The following FGF12 variants were observed in gnomAD, a reference collection of about 807,000 sequenced individuals.
The protein encoded by FGF12 is fibroblast growth factor 12.
FGF12 carries 14 observed loss-of-function variants against 23.6 expected under a neutral mutation model. The ratio of observed to expected loss-of-function variants is 0.59; its 90% confidence interval spans 0.39 to 0.93. The LOEUF is 0.93. FGF12 is among the 40% of genes least tolerant of loss of function. The probability of loss-of-function intolerance (pLI) is 0.00; values close to 1 mark genes in which losing one functional copy is unlikely to be tolerated. For missense variants in FGF12, 175 were observed against 217.8 expected, an observed-to-expected ratio of 0.80 and a Z score of 1.24; for synonymous variants, 62 against 77.3, an observed-to-expected ratio of 0.80 and a Z score of 1.04.
At chr3:192,190,074 GC>G (rs1716696909) in intron 4 of FGF12, among the ~76,000 whole-genome samples, 1 of 152,098 alleles carries the variant, frequency 6.6e-6, no homozygotes, top group African/African-American at 2.4e-5. Context: ...GTTTATGAGA[GC>G]TAAGGAAAAG....
intron 2 of FGF12, among the ~76,000 whole-genome samples, chr3:192,658,590 T>C (rs984693925): frequency 3.3e-5 from 5 of 152,160 alleles, no homozygotes; most frequent in African/African-American, 1.2e-4. Flanking sequence ...ACTTGGCTTA[T>C]TTTGAAATAA....
At chr3:192,255,477 T>A (rs1396962061) in intron 4 of FGF12, among the ~76,000 whole-genome samples, 2 of 151,938 alleles carry the variant, frequency 1.3e-5, no homozygotes, top group East Asian at 3.8e-4. Flanking sequence ...AAAGTTTAAA[T>A]TATCAATGCA....
At chr3:192,528,505 C>T (rs1282217217) in intron 2 of FGF12, among the ~76,000 whole-genome samples, 3 of 152,140 alleles carry the variant, frequency 2.0e-5, no homozygotes, top group Non-Finnish European at 4.4e-5. Context: ...ACGGTACAAC[C>T]TGTCAGTGGA....
At chr3:192,694,084 G>A (rs1302427395) in intron 2 of FGF12, among the ~76,000 whole-genome samples, 3 of 152,076 alleles carry the variant, frequency 2.0e-5, no homozygotes, top group African/African-American at 4.8e-5. Flanking sequence ...TTTAAAATAG[G>A]TGAGAGACCT....
intron 2 of FGF12, among the ~76,000 whole-genome samples, chr3:192,486,455 C>T (rs1232670374): frequency 6.6e-6 from 1 of 151,796 alleles, no homozygotes; most frequent in East Asian, 1.9e-4. Context: ...AAGAATGAGC[C>T]ATGTAAAAAC....
chr3:192,266,290 TTTCATGACTTGCATAATG>T (rs1713074223), intron 4 of FGF12, among the ~76,000 whole-genome samples: 1 of 152,154 alleles, frequency 6.6e-6, no homozygotes, highest in South Asian at 2.1e-4. Context: ...TTCTTATGAA[TTTCATGACTTGCATAATG>T]TTAAGCACAG....
At chr3:192,402,068 C>CTGAATT (rs756837271) in intron 2 of FGF12, among the ~76,000 whole-genome samples, 1 of 152,192 alleles carries the variant, frequency 6.6e-6, no homozygotes, top group Non-Finnish European at 1.5e-5. Context: ...AATTCACATC[C>CTGAATT]CACTCCGAAG....
At chr3:192,228,423 T>C (rs897121148) in intron 4 of FGF12, among the ~76,000 whole-genome samples, 6 of 152,110 alleles carry the variant, frequency 3.9e-5, no homozygotes, top group African/African-American at 1.4e-4. Context: ...ATTAGCGATA[T>C]ATAAAAATGT....
rs193193267 is a variant in FGF12, at chr3:192,264,112, T to G, written c.228+71249A>C. Among the ~76,000 whole-genome samples the G allele has an allele frequency of 7.9e-4, 120 of 152,176 alleles. 1 individual carries two copies. The highest frequency in any genetic ancestry group is 2.5e-3 in the African/African-American group (104 of 41,564). Reference sequence around the variant, plus strand: ...AATCCTCCCATCAAGTAAACTAATATCTCATTATGACTTAGATTCTTGTTA... The same window carrying G: ...AATCCTCCCATCAAGTAAACTAATAGCTCATTATGACTTAGATTCTTGTTA... On this transcript the variant is annotated intron_variant, in intron 4 of 5. Coordinates refer to ENST00000445105, the MANE Select transcript of FGF12 (RefSeq NM_004113.6).
intron 2 of FGF12, among the ~76,000 whole-genome samples, chr3:192,719,476 T>C (rs1230525865): frequency 1.3e-5 from 2 of 152,188 alleles, no homozygotes; most frequent in African/African-American, 2.4e-5. Context: ...TTTCATCTCA[T>C]GTTAAGTTAT....
At chr3:192,381,893 C>T (rs903631529) in intron 2 of FGF12, among the ~76,000 whole-genome samples, 12 of 151,876 alleles carry the variant, frequency 7.9e-5, no homozygotes, top group Admixed American at 2.6e-4. Flanking sequence ...CAGAGCAAGG[C>T]GGAAGAAGCA....
At chr3:192,274,605 T>C (rs928158577) in intron 4 of FGF12, among the ~76,000 whole-genome samples, 1 of 121,090 alleles carries the variant, frequency 8.3e-6, no homozygotes, top group Non-Finnish European at 1.8e-5. Context: ...GAGAGAGAGA[T>C]AGAATATAGA....
intron 2 of FGF12, among the ~76,000 whole-genome samples, chr3:192,554,347 T>C (rs1485041715): frequency 6.6e-6 from 1 of 152,092 alleles, no homozygotes; most frequent in Admixed American, 6.6e-5. Flanking sequence ...GTCCCAACAT[T>C]TACTAGAAGC....
chr3:192,510,224 T>C, intron 2 of FGF12, among the ~76,000 whole-genome samples: 1 of 152,126 alleles, frequency 6.6e-6, no homozygotes, highest in East Asian at 1.9e-4. Context: ...TCCAACAATA[T>C]GCCCAGCAGA....
intron 4 of FGF12, among the ~76,000 whole-genome samples, chr3:192,296,447 C>T (rs576988904): frequency 6.6e-6 from 1 of 152,188 alleles, no homozygotes; most frequent in African/African-American, 2.4e-5. Context: ...TGGTCTCAAA[C>T]TCCTGAGCTC....
At chr3:192,487,714 A>G (rs1015517039) in intron 2 of FGF12, among the ~76,000 whole-genome samples, 3 of 152,144 alleles carry the variant, frequency 2.0e-5, no homozygotes, top group Admixed American at 6.6e-5. Flanking sequence ...ATTGTATTTT[A>G]TGTGTAACCT....
intron 4 of FGF12, among the ~76,000 whole-genome samples, chr3:192,217,718 T>C (rs1718262901): frequency 6.6e-6 from 1 of 152,236 alleles, no homozygotes; most frequent in Non-Finnish European, 1.5e-5. Context: ...ACGGTACACA[T>C]GCATTTAGTT....
At chr3:192,565,007 G>A (rs1712211721) in intron 2 of FGF12, among the ~76,000 whole-genome samples, 1 of 152,152 alleles carries the variant, frequency 6.6e-6, no homozygotes, top group Non-Finnish European at 1.5e-5. Flanking sequence ...TATTAAATGA[G>A]GTTATCTACA....
intron 3 of FGF12, among the ~76,000 whole-genome samples, chr3:192,353,274 C>T (rs114819502): frequency 0.021 from 3,176 of 152,014 alleles, 113 homozygotes; most frequent in African/African-American, 0.071. Flanking sequence ...TAGAAATATG[C>T]CCATAAAAAG....
Sources: allele counts gnomAD v4.1 joint callset (sites outside exome capture counted in the v4.1 genomes callset), GRCh38; gene constraint gnomAD v4.1.1; transcripts MANE v1.5; gene names NCBI Gene and HGNC (gene_info 2026-07-23, HGNC 2026-07-21).